CTIF: variants seen among roughly 807,000 people sequenced by gnomAD.
The protein encoded by CTIF is CBP80/20-dependent translation initiation factor.
CTIF carries 21 observed loss-of-function variants against 66.0 expected under a neutral mutation model. The ratio of observed to expected loss-of-function variants is 0.32; its 90% CI spans 0.23 to 0.46. The LOEUF is 0.46. Ranked by LOEUF, CTIF falls within the 20% of genes least tolerant of loss-of-function variation. The pLI is 1.00. For synonymous variants in CTIF, 345 were observed against 326.4 expected (o/e 1.06, Z -0.62); for missense variants, 739 against 812.7 (o/e 0.91, Z 1.10).
intron 1 of CTIF, among the ~76,000 whole-genome samples, chr18:48,606,000 A>G (rs1044511835): frequency 6.6e-6 from 1 of 152,128 alleles, no homozygotes. Flanking sequence ...CCATACCTGA[A>G]CCTTCTATGT....
intron 6 of CTIF, among the ~76,000 whole-genome samples, chr18:48,704,480 C>T (rs79024316): frequency 0.022 from 3,332 of 152,244 alleles, 39 homozygotes; most frequent in Middle Eastern, 0.068. Context: ...TTCCCGGGGC[C>T]GCCATAACAA....
chr18:48,661,222 A>G (rs1359492351), intron 3 of CTIF, among the ~76,000 whole-genome samples: 3 of 152,204 alleles, frequency 2.0e-5, no homozygotes, highest in Non-Finnish European at 2.9e-5. Context: ...GATCCACTGA[A>G]GCTGAATTTA....
At chr18:48,793,596 A>G (rs1331001293) in intron 9 of CTIF, among the ~76,000 whole-genome samples, 2 of 152,200 alleles carry the variant, frequency 1.3e-5, no homozygotes, top group African/African-American at 4.8e-5. Context: ...CGCAAGTGAC[A>G]TGCTGGGTGG....
chr18:48,597,833 G>A (rs756679034), intron 1 of CTIF, among the ~76,000 whole-genome samples: 1 of 152,252 alleles, frequency 6.6e-6, no homozygotes, highest in South Asian at 2.1e-4. Flanking sequence ...AGCAGCCTGT[G>A]TGCTGGCATG....
chr18:48,615,758 G>C (rs2090387799), intron 1 of CTIF, among the ~76,000 whole-genome samples: 1 of 152,248 alleles, frequency 6.6e-6, no homozygotes, highest in Non-Finnish European at 1.5e-5. Context: ...GACTGCAGAG[G>C]AAGCCTGGAC....
intron 1 of CTIF, among the ~76,000 whole-genome samples, chr18:48,543,831 C>T (rs1050997574): frequency 2.6e-5 from 4 of 152,194 alleles, no homozygotes; most frequent in Non-Finnish European, 5.9e-5. Context: ...AACTCTTTAT[C>T]TTCTTCTCTC....
At chr18:48,775,432 C>CG (rs1442090772) in intron 9 of CTIF, among the ~76,000 whole-genome samples, 3 of 152,216 alleles carry the variant, frequency 2.0e-5, no homozygotes, top group Admixed American at 6.5e-5. Context: ...GAGATGCCCA[C>CG]GCAGAGATTC....
intron 7 of CTIF, 118 bp downstream of exon 7, chr18:48,711,813 G>GGGGTTGGTGGCATCGT: frequency 1.2e-6 from 1 of 826,208 alleles, no homozygotes; most frequent in South Asian, 1.5e-5. Flanking sequence ...CTGATGAGAT[G>GGGGTTGGTGGCATCGT]GGGTTGGTGG....
Position 48,750,792 on chromosome 18 carries a change from C to T in CTIF, c.585-7127C>T, listed in dbSNP as rs150880524. 1.8e-3 allele frequency among the ~76,000 whole-genome samples: 281 copies of T among 152,370 alleles called. 3 individuals carry two copies. The highest frequency in any genetic ancestry group is 6.5e-3 in the African/African-American group (272 of 41,594). ...TTCTGCACCACACGCTGCCATAGGA[C>T]AGCCCACAGCTCCCTCCTTGCTGAC... On this transcript the variant is annotated intron_variant, in intron 7 of 11. Coordinates refer to ENST00000256413, the MANE Select transcript of CTIF (RefSeq NM_014772.3).
At chr18:48,716,324 G>C (rs768262139) in intron 7 of CTIF, among the ~76,000 whole-genome samples, 1 of 152,238 alleles carries the variant, frequency 6.6e-6, no homozygotes, top group Non-Finnish European at 1.5e-5. Context: ...TGTTAACAGG[G>C]AGGAGGCTTA....
chr18:48,678,626 G>A (rs2091683544), intron 6 of CTIF, among the ~76,000 whole-genome samples: 1 of 150,748 alleles, frequency 6.6e-6, no homozygotes, highest in Non-Finnish European at 1.5e-5. Flanking sequence ...GATTATTCTG[G>A]AGGTGAAGAC....
intron 9 of CTIF, among the ~76,000 whole-genome samples, chr18:48,767,060 A>G (rs1292018708): frequency 6.6e-6 from 1 of 152,036 alleles, no homozygotes; most frequent in East Asian, 1.9e-4. Context: ...GTCTCCCCAT[A>G]CACCTTCCCA....
chr18:48,734,981 G>T (rs760081279), intron 7 of CTIF, among the ~76,000 whole-genome samples: 2 of 152,138 alleles, frequency 1.3e-5, no homozygotes, highest in Non-Finnish European at 2.9e-5. Context: ...GTGTTTATAT[G>T]CATTTATATG....
intron 5 of CTIF, among the ~76,000 whole-genome samples, chr18:48,666,859 T>C (rs299744): frequency 0.14 from 21,967 of 152,136 alleles, 1,764 homozygotes; most frequent in African/African-American, 0.21. Flanking sequence ...TCCACACTTC[T>C]GTGCTTAGGA....
chr18:48,552,628 C>T (rs1282868415), intron 1 of CTIF, among the ~76,000 whole-genome samples: 3 of 152,162 alleles, frequency 2.0e-5, no homozygotes, highest in African/African-American at 7.2e-5. Flanking sequence ...CCCTCATGAC[C>T]TAATTGCCTC....
At chr18:48,842,802 G>T (rs191482094) in intron 10 of CTIF, among the ~76,000 whole-genome samples, 1 of 152,246 alleles carries the variant, frequency 6.6e-6, no homozygotes, top group African/African-American at 2.4e-5. Context: ...AAATGCCTTT[G>T]CAGGCAGCTA....
intron 2 of CTIF, among the ~76,000 whole-genome samples, chr18:48,626,645 G>GTTTTTTTTTGTTTTTT (rs1568084347): frequency 8.1e-6 from 1 of 122,796 alleles, no homozygotes; most frequent in African/African-American, 3.3e-5. Flanking sequence ...GCACCTGGCC[G>GTTTTTTTTTGTTTTTT]TTTTTTTTTT....
chr18:48,815,634 G>A (rs868451457), intron 9 of CTIF, among the ~76,000 whole-genome samples: 66 of 152,336 alleles, frequency 4.3e-4, no homozygotes, highest in Middle Eastern at 6.8e-3. Context: ...GGGCTTCTCA[G>A]CCAGCCCCTG....
At chr18:48,738,277 C>T (rs577440533) in intron 7 of CTIF, among the ~76,000 whole-genome samples, 5 of 152,318 alleles carry the variant, frequency 3.3e-5, no homozygotes, top group South Asian at 4.1e-4. Flanking sequence ...GGGCTCTCAC[C>T]GGGATTACTC....
Sources: allele counts gnomAD v4.1 joint callset (sites outside exome capture counted in the v4.1 genomes callset), GRCh38; gene constraint gnomAD v4.1.1; transcripts MANE v1.5; gene names NCBI Gene and HGNC (gene_info 2026-07-23, HGNC 2026-07-21).